The following POMT2 variants were observed in gnomAD, a reference collection of about 807,000 sequenced individuals.
The protein encoded by POMT2 is protein O-mannosyl-transferase 2.
In POMT2, 75 loss-of-function variants were observed where a neutral mutation model predicts 100.0. That is an observed-to-expected ratio of 0.75 (90% CI 0.62 to 0.91). The LOEUF is 0.91. POMT2 is among the 40% of genes least tolerant of loss of function. The pLI is 0.00. For synonymous variants in POMT2, 378 were observed against 374.1 expected, an observed-to-expected ratio of 1.01 and a Z score of -0.12; for missense variants, 940 against 955.1, an observed-to-expected ratio of 0.98 and a Z score of 0.21.
intron 15 of POMT2, among the ~76,000 whole-genome samples, chr14:77,282,084 G>A (rs1458945710): frequency 1.3e-5 from 2 of 152,160 alleles, no homozygotes; most frequent in Non-Finnish European, 2.9e-5. Flanking sequence ...TGGGAATGAG[G>A]AATGAATCAT....
intron 15 of POMT2, 83 bp from the exon 16 acceptor site, chr14:77,280,546 T>C (rs184760302): frequency 1.1e-5 from 17 of 1,605,234 alleles, no homozygotes; most frequent in Admixed American, 6.7e-5. Context: ...TTTTCTGATA[T>C]AGGGCCAAGC....
At chr14:77,304,862 C>G in intron 3 of POMT2, 62 bp from the exon 4 acceptor site, 1 of 1,545,890 alleles carries the variant, frequency 6.5e-7, no homozygotes, top group East Asian at 2.4e-5. Context: ...ACCTACTGGA[C>G]TCAGTACAAC....
chr14:77,306,234 C>T (rs931096452), intron 3 of POMT2, 103 bp downstream of exon 3: 42 of 1,553,044 alleles, frequency 2.7e-5, no homozygotes, highest in Non-Finnish European at 3.5e-5. Flanking sequence ...CCCAAAGTCC[C>T]TTTATTTGCA....
intron 8 of POMT2, among the ~76,000 whole-genome samples, chr14:77,297,423 G>A (rs1861888): frequency 0.83 from 126,150 of 152,130 alleles, 52,494 homozygotes; most frequent in East Asian, 0.95. Flanking sequence ...ATCAATTACC[G>A]TTTTACTTGT....
intron 15 of POMT2, 51 bp from the exon 16 acceptor site, chr14:77,280,514 G>A: frequency 2.5e-6 from 4 of 1,613,304 alleles, no homozygotes; most frequent in Non-Finnish European, 3.4e-6. Flanking sequence ...CTAGAGGGCT[G>A]ACAGAAATGT....
At chr14:77,292,551 A>T (rs1234195692) in intron 9 of POMT2, among the ~76,000 whole-genome samples, 1 of 152,234 alleles carries the variant, frequency 6.6e-6, no homozygotes, top group Non-Finnish European at 1.5e-5. Flanking sequence ...ATATACGTCC[A>T]ATTATGCCAA....
At chr14:77,295,653 A>C (rs1056234108) in intron 9 of POMT2, among the ~76,000 whole-genome samples, 1 of 148,936 alleles carries the variant, frequency 6.7e-6, no homozygotes. Context: ...AAAAAAAAAG[A>C]AGAGGATACT....
chr14:77,289,325 A>G (rs1162465953), intron 10 of POMT2, among the ~76,000 whole-genome samples: 3 of 152,120 alleles, frequency 2.0e-5, no homozygotes, highest in East Asian at 3.9e-4. Flanking sequence ...CGGGAGGCGG[A>G]GGTTGCAGTA....
rs114317132 is a variant in POMT2, at chr14:77,302,378, T to A, written c.656+457A>T. ...TTAGGTCAGGACTGGATGCAACCACTGACGAAAGGGAGATAGTTTCCAGGC... is the reference window on the plus strand; with the variant it reads ...TTAGGTCAGGACTGGATGCAACCACAGACGAAAGGGAGATAGTTTCCAGGC... On this transcript the variant is annotated intron_variant, in intron 5 of 20. Coordinates refer to ENST00000261534, the MANE Select transcript of POMT2 (RefSeq NM_013382.7). Among the ~76,000 whole-genome samples, 750 of 152,228 alleles carry A rather than the reference T, an allele frequency of 4.9e-3. 2 individuals are homozygous for A. The highest frequency in any genetic ancestry group is 0.017 in the African/African-American group (706 of 41,530).
intron 3 of POMT2, among the ~76,000 whole-genome samples, chr14:77,305,412 A>G (rs1295325436): frequency 1.3e-5 from 2 of 152,176 alleles, no homozygotes; most frequent in African/African-American, 4.8e-5. Context: ...AAATAAACAG[A>G]CAAGCCAGAA....
At chr14:77,308,782 A>C in intron 2 of POMT2, 1 of 453,250 alleles carries the variant, frequency 2.2e-6, no homozygotes, top group Non-Finnish European at 4.4e-6. Flanking sequence ...GCAATATCTA[A>C]CTCAATTTTA....
chr14:77,294,147 T>C (rs1031425296), intron 9 of POMT2, among the ~76,000 whole-genome samples: 1 of 152,188 alleles, frequency 6.6e-6, no homozygotes, highest in Admixed American at 6.5e-5. Context: ...CAGACATGAA[T>C]GGAGAATTAA....
At position 77,280,379 on chromosome 14, in the gene POMT2, C is replaced by G. The variant is rs1890173997; in HGVS notation, c.1725+13G>C. 3 of 1,614,110 alleles carry G rather than the reference C, an allele frequency of 1.9e-6. No individual in the cohort carries two copies. The highest frequency in any genetic ancestry group is 1.7e-6 in the Non-Finnish European group (2 of 1,180,018). On this transcript the variant is annotated intron_variant, in intron 16 of 20. Coordinates refer to ENST00000261534, the MANE Select transcript of POMT2 (RefSeq NM_013382.7). Reference sequence around the variant, plus strand: ...CTCCATTTCCTGGGAGGAGCCCCAGCCTTGGATCCTACCTGATAGTTGATA... The same window carrying G: ...CTCCATTTCCTGGGAGGAGCCCCAGGCTTGGATCCTACCTGATAGTTGATA...
In POMT2 at chr14:77,280,371, A is replaced by T. The variant is rs371971392; in HGVS notation, c.1725+21T>A. 1.9e-6 allele frequency: 3 copies of T among 1,609,092 alleles called. No individual in the cohort carries two copies. In the African/African-American group the frequency reaches 4.1e-5, roughly 22 times the overall value. ...GTTCTTGGCTCCATTTCCTGGGAGG[A>T]GCCCCAGCCTTGGATCCTACCTGAT... On this transcript the variant is annotated intron_variant, in intron 16 of 20. Coordinates refer to ENST00000261534, the MANE Select transcript of POMT2 (RefSeq NM_013382.7).
chr14:77,283,112 A>G (rs888149488), intron 15 of POMT2, among the ~76,000 whole-genome samples: 2 of 152,256 alleles, frequency 1.3e-5, no homozygotes, highest in Non-Finnish European at 2.9e-5. Flanking sequence ...GAGTGCAAAC[A>G]ATGTCTTAGA....
rs745314489 is a variant in POMT2 at position 77,278,796 on chromosome 14, G to C, written c.1965C>G (p.Phe655Leu). 1.9e-6 allele frequency: 3 copies of C among 1,613,692 alleles called. No individual in the cohort carries two copies. Among genetic ancestry groups the C allele is most frequent in the Admixed American group, 3.3e-5 (2 of 60,008 alleles). The change falls in exon 19 of 21, where the codon TTC (phenylalanine) becomes TTG (leucine). Residue 655 changes from phenylalanine to leucine, a missense_variant. By Grantham distance (22) the Phe-to-Leu change is conservative. Transcript: ENST00000261534. ...LGWTLHYFPF[F>L]LMGRVLYFHH... Reference sequence around the variant, plus strand: ...GGAAGTAGAGGACCCGGCCCATCAGGAAAAACGGGAAGTAATGGAGTGTCC... The same window carrying C: ...GGAAGTAGAGGACCCGGCCCATCAGCAAAAACGGGAAGTAATGGAGTGTCC...
At chr14:77,301,273 C>T in intron 5 of POMT2, 24 bp from the exon 6 acceptor site, 1 of 1,613,836 alleles carries the variant, frequency 6.2e-7, no homozygotes, top group East Asian at 2.2e-5. Flanking sequence ...AGACGGAGTT[C>T]AATTTGGCAG....
rs765447888 is a variant in POMT2 at position 77,278,348 on chromosome 14, T to C, written c.2147+46A>G. 12 of 1,398,504 alleles carry C rather than the reference T, an allele frequency of 8.6e-6. No homozygotes were observed. In the South Asian group the frequency reaches 9.9e-5, roughly 12 times the overall value. The allele number at this position is 1,398,504 out of a possible 1,614,324, so 86.6% of individuals were successfully genotyped here. A position where few individuals can be genotyped will look rare whatever the true frequency, so the allele number is the denominator to read the frequency against. On this transcript the variant is annotated intron_variant, in intron 20 of 20. Transcript: ENST00000261534. ...CTCGAATGCATCAGGGCTGAGGCACTGCTGAGCCCACACTGGGAGGGCATG... is the reference window on the plus strand; with the variant it reads ...CTCGAATGCATCAGGGCTGAGGCACCGCTGAGCCCACACTGGGAGGGCATG...
At chr14:77,287,168 A>G (rs1890454049) in intron 11 of POMT2, 1 of 334,472 alleles carries the variant, frequency 3.0e-6, no homozygotes, top group South Asian at 2.6e-5. Flanking sequence ...AGGTTTGAGG[A>G]GAGGAAAAAT....
Sources: allele counts gnomAD v4.1 joint callset (sites outside exome capture counted in the v4.1 genomes callset), GRCh38; gene constraint gnomAD v4.1.1; transcripts MANE v1.5; gene names NCBI Gene and HGNC (gene_info 2026-07-23, HGNC 2026-07-21).